TOP1MT: variants seen among roughly 807,000 people sequenced by gnomAD.
TOP1MT encodes DNA topoisomerase I, mitochondrial.
A neutral mutation model predicts 73.9 loss-of-function variants in TOP1MT; 80 were observed. The ratio of observed to expected loss-of-function variants is 1.08; its 90% confidence interval spans 0.90 to 1.30. The LOEUF (loss-of-function observed/expected upper bound fraction) is 1.30. TOP1MT is among the 50% of genes most tolerant of loss of function. The pLI is 0.00. For synonymous variants in TOP1MT, 338 were observed against 326.4 expected (o/e 1.04, Z -0.38); for missense variants, 815 against 808.0 (o/e 1.01, Z -0.10).
At position 143,324,525 on chromosome 8, in the gene TOP1MT, G is replaced by A. The variant is rs982714465; in HGVS notation, c.776C>T (p.Ser259Phe). ...LAAWTESVQN[S>F]IKYIMLNPCS... ...AGGGTTCAGCATGATGTACTTGATG[G>A]AGTTCTGAACGCTCTCGGTCCAAGC... is the stretch of plus-strand genomic sequence containing the variant. Residue 259 changes from serine (S) to phenylalanine (F), a missense_variant, in exon 6 of 14, where the codon TCC becomes TTC. Physicochemically the swap from Ser to Phe is radical, Grantham distance 155. This residue lies in a region of TOP1MT where 751 missense variants were observed against 725.4 expected (regional missense o/e 1.04). Transcript: ENST00000329245. 3 of 1,613,864 alleles carry A rather than the reference G, an allele frequency of 1.9e-6. No homozygotes were observed. Among genetic ancestry groups the A allele is most frequent in the Non-Finnish European group, 2.5e-6 (3 of 1,180,034 alleles).
intron 12 of TOP1MT, among the ~76,000 whole-genome samples, chr8:143,314,643 G>A (rs952471187): frequency 1.3e-5 from 2 of 151,840 alleles, no homozygotes; most frequent in Non-Finnish European, 2.9e-5. Flanking sequence ...AACAAAACTG[G>A]CCATGGGAAG....
chr8:143,317,207 G>A (rs946870143), intron 10 of TOP1MT, among the ~76,000 whole-genome samples: 10 of 152,180 alleles, frequency 6.6e-5, no homozygotes, highest in Admixed American at 4.6e-4. Context: ...CGGACATCAC[G>A]GAGCAGGGGC....
chr8:143,330,136 T>C (rs574641196), intron 2 of TOP1MT, among the ~76,000 whole-genome samples: 10 of 152,350 alleles, frequency 6.6e-5, no homozygotes, highest in African/African-American at 2.2e-4. Flanking sequence ...CAAACTAGCT[T>C]CTCAGGACAG....
intron 8 of TOP1MT, among the ~76,000 whole-genome samples, 187 bp from the exon 9 acceptor site, chr8:143,318,273 C>T (rs1185725362): frequency 1.3e-5 from 2 of 152,184 alleles, no homozygotes; most frequent in African/African-American, 4.8e-5. Flanking sequence ...TGGCAGTCAC[C>T]GCTACCACAC....
upstream of TOP1MT, among the ~76,000 whole-genome samples, chr8:143,358,203 C>T (rs879891128): frequency 6.6e-6 from 1 of 152,224 alleles, no homozygotes; most frequent in Non-Finnish European, 1.5e-5. Context: ...TCACTTTGAG[C>T]TTCTTTGCAT....
In TOP1MT at chr8:143,325,956, C is replaced by T. The variant is rs866936861; in HGVS notation, c.483+266G>A. Among the ~76,000 whole-genome samples the T allele has an allele frequency of 6.6e-5, 10 of 152,344 alleles. No homozygotes were observed. In the South Asian group the frequency reaches 1.0e-3, roughly 16 times the overall value. On this transcript the variant is annotated intron_variant, in intron 4 of 13. Transcript: ENST00000329245. ...GAAGCCGACTGGCCTGCACAAGCCC[C>T]GCCCTCAGCCCACGGCCCGTCTGGG... is the stretch of plus-strand genomic sequence containing the variant.
At chr8:143,329,993 C>T (rs1449940637) in intron 2 of TOP1MT, among the ~76,000 whole-genome samples, 3 of 152,076 alleles carry the variant, frequency 2.0e-5, no homozygotes, top group South Asian at 2.1e-4. Flanking sequence ...GTGGTGGGAA[C>T]GAGGGTGTTC....
chr8:143,323,191 G>A (rs1396815096), intron 7 of TOP1MT, among the ~76,000 whole-genome samples: 2 of 58,198 alleles, frequency 3.4e-5, no homozygotes, highest in African/African-American at 7.6e-5. Context: ...CGCCACACAC[G>A]CATGCCACAC....
At chr8:143,329,496 T>C in intron 2 of TOP1MT, 25 bp from the exon 3 acceptor site, 1 of 1,595,296 alleles carries the variant, frequency 6.3e-7, no homozygotes, top group Non-Finnish European at 8.5e-7. Flanking sequence ...AGACACATCG[T>C]ATGAGAGAGC....
intron 12 of TOP1MT, among the ~76,000 whole-genome samples, chr8:143,313,783 A>T (rs1241372309): frequency 2.0e-5 from 3 of 151,138 alleles, no homozygotes; most frequent in African/African-American, 7.3e-5. Flanking sequence ...TGAAACCTGG[A>T]GGCAGAGATT....
Position 143,314,518 on chromosome 8 carries a change from C to T in TOP1MT, c.1553+1209G>A, listed in dbSNP as rs113756029. Among the ~76,000 whole-genome samples, 310 of 146,260 alleles carry T rather than the reference C, an allele frequency of 2.1e-3. 1 individual carries two copies. Among genetic ancestry groups the T allele is most frequent in the African/African-American group, 7.6e-3 (303 of 39,840 alleles). On this transcript the variant is annotated intron_variant, in intron 12 of 13. Coordinates refer to ENST00000329245, the MANE Select transcript of TOP1MT (RefSeq NM_052963.3). ...CTGAGGCAGGAGAATCACTTGAACC[C>T]GGGAGGCGGAGGTTGCAGTGAGCTG...
rs1816703803 is a variant in TOP1MT at position 143,326,231 on chromosome 8, C to T, written c.474G>A (p.Glu158=). The T allele has an allele frequency of 1.2e-6, 2 of 1,613,768 alleles. No homozygotes were observed. The highest frequency in any genetic ancestry group is 1.3e-5 in the African/African-American group (1 of 74,940). ...CTCGAGGCAGCCCAACCTGCTTCTC[C>T]TCCCTGCTCAGGACTTTCCGGGCTG... ...KAAARKVLSR[E]EKQKLKEEAE... is the part of the protein sequence containing the mutation. Residue 158 remains glutamate (E), a synonymous_variant, in exon 4 of 14, where the codon GAG becomes GAA. Coordinates refer to ENST00000329245, the MANE Select transcript of TOP1MT (RefSeq NM_052963.3).
At position 143,325,434 on chromosome 8, in the gene TOP1MT, C is replaced by A. The variant is rs1448776163; in HGVS notation, c.583G>T (p.Gly195Cys). ...KIGNFKIEPP[G>C]LFRGRGDHPK... ...TGGTCGCCACGGCCACGGAACAAGCCAGGCGGCTCAATCTTGAAGTTGCCT... is the reference window on the plus strand; with the variant it reads ...TGGTCGCCACGGCCACGGAACAAGCAAGGCGGCTCAATCTTGAAGTTGCCT... Residue 195 changes from glycine to cysteine, a missense_variant, in exon 5 of 14, where the codon GGC becomes TGC. Transcript: ENST00000329245. The A allele has an allele frequency of 3.7e-6, 6 of 1,613,490 alleles. No individual in the cohort carries two copies. The highest frequency in any genetic ancestry group is 5.1e-6 in the Non-Finnish European group (6 of 1,179,580).
intron 1 of TOP1MT, chr8:143,332,540 G>T: frequency 7.0e-6 from 9 of 1,289,416 alleles, no homozygotes; most frequent in Non-Finnish European, 9.1e-6. Flanking sequence ...GCTGTTGGGG[G>T]CCTGGTGGGC....
At chr8:143,319,715 C>A (rs1816276267) in intron 8 of TOP1MT, among the ~76,000 whole-genome samples, 1 of 152,178 alleles carries the variant, frequency 6.6e-6, no homozygotes, top group African/African-American at 2.4e-5. Context: ...TGGTGGGCAG[C>A]CACTAGTCCC....
intron 3 of TOP1MT, 75 bp downstream of exon 3, chr8:143,329,275 A>G (rs908405716): frequency 6.8e-7 from 1 of 1,465,574 alleles, no homozygotes; most frequent in Non-Finnish European, 9.0e-7. Flanking sequence ...GGGCGTTCAG[A>G]GGCAGCACTG....
At chr8:143,320,409 C>G (rs545338374) in intron 8 of TOP1MT, among the ~76,000 whole-genome samples, 1 of 152,078 alleles carries the variant, frequency 6.6e-6, no homozygotes, top group Admixed American at 6.5e-5. Context: ...GGATTACAGG[C>G]GTGAGCCACC....
intron 7 of TOP1MT, among the ~76,000 whole-genome samples, chr8:143,322,713 CGCCACACACAG>C (rs1816513652): frequency 6.9e-5 from 3 of 43,780 alleles, no homozygotes; most frequent in Admixed American, 2.1e-4. Flanking sequence ...GCCACACGCA[CGCCACACACAG>C]GCACGCCACA....
chr8:143,323,556 G>A (rs539555916), intron 7 of TOP1MT, among the ~76,000 whole-genome samples: 1 of 80,346 alleles, frequency 1.2e-5, no homozygotes, highest in Admixed American at 1.6e-4. Context: ...ACACACGCAC[G>A]CCACACACAT....
Sources: allele counts gnomAD v4.1 joint callset (sites outside exome capture counted in the v4.1 genomes callset), GRCh38; gene constraint gnomAD v4.1.1; regional missense constraint gnomAD v4.1.1; transcripts MANE v1.5; gene names NCBI Gene and HGNC (gene_info 2026-07-23, HGNC 2026-07-21).